Variants in SLF1 observed in about 807,000 individuals in gnomAD.
The protein encoded by SLF1 is SMC5/6 complex localization factor 1, also known as SMC5-SMC6 complex localization factor protein 1.
In SLF1, 105 loss-of-function variants were observed where a neutral mutation model predicts 123.0. That is an observed-to-expected ratio of 0.85 (90% CI 0.73 to 1.00). SLF1 has a LOEUF of 1.00. Among genes scored for constraint, SLF1 ranks in the 50% least tolerant of loss-of-function variants. The probability of loss-of-function intolerance (pLI) is 0.00; values close to 1 mark genes in which losing one functional copy is unlikely to be tolerated. For synonymous variants in SLF1, 434 were observed against 406.6 expected (o/e 1.07, Z -0.81); for missense variants, 1,239 against 1,223.0 (o/e 1.01, Z -0.20).
intron 20 of SLF1, among the ~76,000 whole-genome samples, chr5:94,694,349 A>G (rs1194856762): frequency 1.3e-5 from 2 of 151,924 alleles, no homozygotes; most frequent in Non-Finnish European, 2.9e-5. Context: ...CAAGGGTAAT[A>G]TGAAAACTGT....
At chr5:94,686,748 A>G (rs1752470909) in intron 16 of SLF1, 30 bp downstream of exon 16, 1 of 1,576,544 alleles carries the variant, frequency 6.3e-7, no homozygotes, top group Non-Finnish European at 8.6e-7. Context: ...GGTTCTTTAC[A>G]TTTTCAAGAA....
At chr5:94,663,382 G>A (rs900148245) in intron 10 of SLF1, among the ~76,000 whole-genome samples, 2 of 152,216 alleles carry the variant, frequency 1.3e-5, no homozygotes, top group South Asian at 2.1e-4. Context: ...AGTGGCTTAC[G>A]CCTATAATCC....
At chr5:94,619,039 C>G (rs927929021) in intron 1 of SLF1, among the ~76,000 whole-genome samples, 1 of 152,130 alleles carries the variant, frequency 6.6e-6, no homozygotes, top group South Asian at 2.1e-4. Context: ...ACCGAGCGCC[C>G]CTCTGCAGTA....
Position 94,695,417 on chromosome 5 carries a change from TGACA to T in SLF1, c.*109_*112del. 1 of 1,316,464 alleles carries T rather than the reference TGACA, an allele frequency of 7.6e-7. No individual in the cohort carries two copies. Among genetic ancestry groups the T allele is most frequent in the Non-Finnish European group, 1.0e-6 (1 of 1,004,374 alleles). 81.5% of individuals were successfully genotyped at this position (1,316,464 alleles called of 1,614,324 possible). On this transcript the variant is annotated 3_prime_UTR_variant, in exon 21 of 21. Transcript: ENST00000265140. ...ACAGATAGTAATTTGATTTATTTAT[TGACA>T]GACTTTGCAGCCTTGCTAAATTTTA...
chr5:94,651,822 G>A lies in SLF1; in HGVS notation c.859G>A (p.Gly287Arg). 2.1e-6 allele frequency: 3 copies of A among 1,462,914 alleles called. No homozygotes were observed. The highest frequency in any genetic ancestry group is 1.8e-6 in the Non-Finnish European group (2 of 1,092,510). 90.6% of individuals were successfully genotyped at this position (1,462,914 alleles called of 1,614,324 possible). Reference protein sequence around the residue: ...LKFVKMRNTFGSHTYENQKEI... With the variant: ...LKFVKMRNTFRSHTYENQKEI... ...ATTTGTTAAAATGAGAAATACCTTTGGAAGCCATACATATGAAAATCAGGT... is the reference window on the plus strand; with the variant it reads ...ATTTGTTAAAATGAGAAATACCTTTAGAAGCCATACATATGAAAATCAGGT... The change falls in exon 7 of 21, where the codon GGA becomes AGA. Residue 287 changes from glycine to arginine, a missense_variant. Gly to Arg is a moderately radical substitution (Grantham distance 125). Coordinates refer to ENST00000265140, the MANE Select transcript of SLF1 (RefSeq NM_032290.4).
At chr5:94,691,368 A>T (rs748067757) in intron 18 of SLF1, 196 bp from the exon 19 acceptor site, 2 of 502,622 alleles carry the variant, frequency 4.0e-6, no homozygotes, top group Non-Finnish European at 7.0e-6. Context: ...AGCAGTATGG[A>T]TTGGTGGGGG....
At chr5:94,692,026 A>G (rs747884457) in intron 19 of SLF1, 48 bp from the exon 20 acceptor site, 4 of 1,584,164 alleles carry the variant, frequency 2.5e-6, no homozygotes, top group Middle Eastern at 2.1e-4. Flanking sequence ...TTTTCTACCA[A>G]AAGTCCTACT....
intron 9 of SLF1, among the ~76,000 whole-genome samples, chr5:94,658,842 G>A (rs151035985): frequency 4.0e-5 from 6 of 151,896 alleles, no homozygotes; most frequent in African/African-American, 1.4e-4. Context: ...TATTTCAAAA[G>A]ACCTGTCTTC....
chr5:94,689,081 T>C (rs1297485006), intron 17 of SLF1, among the ~76,000 whole-genome samples: 1 of 152,146 alleles, frequency 6.6e-6, no homozygotes, highest in African/African-American at 2.4e-5. Context: ...TGTATAAAAC[T>C]CAGAAAGCCT....
chr5:94,632,941 G>A (rs956829688), intron 4 of SLF1, among the ~76,000 whole-genome samples: 6 of 151,694 alleles, frequency 4.0e-5, no homozygotes, highest in Non-Finnish European at 5.9e-5. Context: ...TGCCCGCCTC[G>A]GCCTCCTAGA....
intron 20 of SLF1, among the ~76,000 whole-genome samples, chr5:94,693,327 C>T (rs1372344192): frequency 6.6e-6 from 1 of 151,912 alleles, no homozygotes; most frequent in Non-Finnish European, 1.5e-5. Context: ...GTTTACTAAA[C>T]CATAAGTTCT....
rs759985614 is a variant in SLF1 at position 94,686,638 on chromosome 5, G to T, written c.2041G>T (p.Val681Phe). The T allele has an allele frequency of 9.9e-6, 16 of 1,613,930 alleles. No homozygotes were observed. The highest frequency in any genetic ancestry group is 2.5e-6 in the Non-Finnish European group (3 of 1,179,958). The change falls in exon 16 of 21, where the codon GTT becomes TTT. Residue 681 changes from valine to phenylalanine, a missense_variant. By Grantham distance (50) the Val-to-Phe change is conservative (BLOSUM62 -1). Transcript: ENST00000265140. ...SFSSSWLQMF[V>F]AEAVFKKLCL... is the part of the protein sequence containing the mutation. ...TTCCTCCTCCTGGCTTCAAATGTTT[G>T]TTGCAGAGGCAGTCTTTAAAAAGTT...
chr5:94,663,985 G>T, intron 11 of SLF1, 77 bp downstream of exon 11: 1 of 1,315,572 alleles, frequency 7.6e-7, no homozygotes, highest in Non-Finnish European at 1.0e-6. Context: ...CTTTTTGTAT[G>T]TTTACAGTTT....
intron 14 of SLF1, among the ~76,000 whole-genome samples, chr5:94,672,429 ATC>A (rs942569959): frequency 6.7e-6 from 1 of 149,408 alleles, no homozygotes; most frequent in Non-Finnish European, 1.5e-5. Context: ...TTCACCTTGT[ATC>A]TCCCTCCCTT....
chr5:94,643,126 G>C, intron 4 of SLF1, 147 bp from the exon 5 acceptor site: 1 of 521,904 alleles, frequency 1.9e-6, no homozygotes, highest in Non-Finnish European at 3.3e-6. Context: ...AATTGCAGCC[G>C]TGTTCTCTGT....
chr5:94,643,343 G>T lies in SLF1; in HGVS notation c.502G>T (p.Ala168Ser), dbSNP rs773117914. ...ACCAAGTGGAATAACTCATGTGATT[G>T]CCAGTAATGCAAGAATTAAAGCTGA... ...SSPSGITHVI[A>S]SNARIKAEKE... Residue 168 changes from alanine (A) to serine (S), a missense_variant, in exon 5 of 21, where the codon GCC becomes TCC. Coordinates refer to ENST00000265140, the MANE Select transcript of SLF1 (RefSeq NM_032290.4). The T allele has an allele frequency of 2.8e-5, 43 of 1,544,868 alleles. No individual in the cohort carries two copies. Among genetic ancestry groups the T allele is most frequent in the Middle Eastern group, 3.3e-4 (2 of 5,982 alleles).
In SLF1 at chr5:94,695,482, T is replaced by A; in HGVS notation, c.*170T>A. The A allele has an allele frequency of 2.9e-6, 2 of 684,144 alleles. No individual in the cohort carries two copies. The highest frequency in any genetic ancestry group is 4.0e-5 in the South Asian group (1 of 25,064). The allele number at this position is 684,144 out of a possible 1,614,324, so 42.4% of individuals were successfully genotyped here. On this transcript the variant is annotated 3_prime_UTR_variant, in exon 21 of 21. Coordinates refer to ENST00000265140, the MANE Select transcript of SLF1 (RefSeq NM_032290.4). ...TAAAAAAACTTCTACAAAACTCTAGTATGGGCTTCTGACTTTTTCCAGGGT... is the reference window on the plus strand; with the variant it reads ...TAAAAAAACTTCTACAAAACTCTAGAATGGGCTTCTGACTTTTTCCAGGGT...
At chr5:94,678,658 A>C (rs950307230) in intron 14 of SLF1, 150 bp from the exon 15 acceptor site, 1 of 621,492 alleles carries the variant, frequency 1.6e-6, no homozygotes, top group Admixed American at 3.2e-5. Context: ...AGAATTAGTT[A>C]GCTAGGGTTC....
In SLF1 at chr5:94,686,569, C is replaced by G. The variant is rs757975826; in HGVS notation, c.1976-4C>G. The G allele has an allele frequency of 6.8e-6, 11 of 1,613,202 alleles. No homozygotes were observed. The highest frequency in any genetic ancestry group is 9.3e-6 in the Non-Finnish European group (11 of 1,179,496). On this transcript the variant is annotated splice_polypyrimidine_tract_variant and splice_region_variant and intron_variant, in intron 15 of 20. Coordinates refer to ENST00000265140, the MANE Select transcript of SLF1 (RefSeq NM_032290.4). ...ACTATATTAACTTACCTTATGTTCT[C>G]CAGACTTTTCTTCACAGGAATTAGA...
Sources: allele counts gnomAD v4.1 joint callset (sites outside exome capture counted in the v4.1 genomes callset), GRCh38; gene constraint gnomAD v4.1.1; transcripts MANE v1.5; gene names NCBI Gene and HGNC (gene_info 2026-07-23, HGNC 2026-07-21).